NRIP3: variants seen among roughly 807,000 people sequenced by gnomAD.
NRIP3 encodes the protein nuclear receptor-interacting protein 3.
NRIP3 carries 31 observed loss-of-function variants against 29.0 expected under a neutral mutation model. That is an observed-to-expected ratio of 1.07 (90% CI 0.80 to 1.44). The LOEUF (loss-of-function observed/expected upper bound fraction) is 1.44. Ranked by LOEUF, NRIP3 falls within the 40% of genes most tolerant of loss-of-function variation. The pLI, the probability that NRIP3 is intolerant of heterozygous loss-of-function variation, is 0.00. For missense variants in NRIP3, 314 were observed against 297.9 expected (o/e 1.05, Z -0.40); for synonymous variants, 131 against 118.3 (o/e 1.11, Z -0.70).
At position 8,987,645 on chromosome 11, in the gene NRIP3, T is replaced by C; in HGVS notation, c.340-15A>G. 1.9e-6 allele frequency: 3 copies of C among 1,602,164 alleles called. No homozygotes were observed. Among genetic ancestry groups the C allele is most frequent in the Non-Finnish European group, 2.6e-6 (3 of 1,169,350 alleles). On this transcript the variant is annotated splice_polypyrimidine_tract_variant and intron_variant, in intron 2 of 6. Transcript: ENST00000309166. ...TTTCCAGCACACTGTGGGGAGGAAA[T>C]GTACTGTTCAATAAGAGCCAGAGAA...
In NRIP3 at chr11:9,002,519, G is replaced by A. The variant is rs1488955363; in HGVS notation, c.174+1243C>T. 8.0e-5 allele frequency among the ~76,000 whole-genome samples: 4 copies of A among 49,772 alleles called. No individual in the cohort carries two copies. In the East Asian group the frequency reaches 3.3e-3, roughly 41 times the overall value. The allele number at this position is 49,772 out of a possible 152,430, so 32.7% of individuals were successfully genotyped here. A position where few individuals can be genotyped will look rare whatever the true frequency, so the allele number is the denominator to read the frequency against. On this transcript the variant is annotated intron_variant, in intron 1 of 6. Transcript: ENST00000309166. ...TCTGCACAGAAGTAACTAATGGCAG[G>A]GAGGAGAAAAATTTTTGTATATTAT...
intron 6 of NRIP3, 33 bp downstream of exon 6, chr11:8,983,842 A>C: frequency 6.5e-7 from 1 of 1,541,300 alleles, no homozygotes; most frequent in Non-Finnish European, 9.0e-7. Context: ...TGACAAATGG[A>C]TGTGACTTGA....
Position 8,980,803 on chromosome 11 carries a change from G to GAAAT in NRIP3, c.*2738_*2741dup, listed in dbSNP as rs1854403133. The stretch of plus-strand genomic sequence containing the variant: ...CCATTGTATAGACACTTTGAGCTAA[G>GAAAT]AAATAGAAAATTGTACCAGGTAGGG... On this transcript the variant is annotated 3_prime_UTR_variant, in exon 7 of 7. Coordinates refer to ENST00000309166, the MANE Select transcript of NRIP3 (RefSeq NM_020645.3). 1 of 152,174 alleles carries GAAAT rather than the reference G, an allele frequency of 6.6e-6. No homozygotes were observed. The highest frequency in any genetic ancestry group is 1.5e-5 in the Non-Finnish European group (1 of 68,030). The allele number at this position is 152,174 out of a possible 1,614,324, so 9.4% of individuals were successfully genotyped here. A position where few individuals can be genotyped will look rare whatever the true frequency, so the allele number is the denominator to read the frequency against.
intron 1 of NRIP3, among the ~76,000 whole-genome samples, chr11:8,999,490 G>A (rs1252375043): frequency 1.3e-5 from 2 of 152,080 alleles, no homozygotes; most frequent in African/African-American, 4.8e-5. Flanking sequence ...TCACCCCTCT[G>A]CTCAAAATAT....
Position 9,003,916 on chromosome 11 carries a change from A to C in NRIP3, c.20T>G (p.Leu7Arg). The C allele has an allele frequency of 6.6e-7, 1 of 1,515,072 alleles. No individual in the cohort carries two copies. The highest frequency in any genetic ancestry group is 8.8e-7 in the Non-Finnish European group (1 of 1,132,652). 93.9% of individuals were successfully genotyped at this position (1,515,072 alleles called of 1,614,324 possible). A position where few individuals can be genotyped will look rare whatever the true frequency, so the allele number is the denominator to read the frequency against. ...GGTCTCCTTGCGGCCGCCCTCAGTG[A>C]GGAGCCCTGAGTAAAACATCGCTGA... is the stretch of plus-strand genomic sequence containing the variant. MFYSGL[L>R]TEGGRKETDM... is the part of the protein sequence containing the mutation. The change falls in exon 1 of 7, where the codon CTC (leucine) becomes CGC (arginine). Residue 7 changes from leucine to arginine, a missense_variant. By Grantham distance (102) the Leu-to-Arg change is moderately radical. Coordinates refer to ENST00000309166, the MANE Select transcript of NRIP3 (RefSeq NM_020645.3).
chr11:8,995,916 T>C (rs7124403), intron 1 of NRIP3, among the ~76,000 whole-genome samples: 94,773 of 151,982 alleles, frequency 0.62, 30,049 homozygotes, highest in East Asian at 0.77. Flanking sequence ...CCCTTTGCAC[T>C]GGCTGTCCCC....
chr11:9,000,684 C>G (rs1245892286), intron 1 of NRIP3, among the ~76,000 whole-genome samples: 1 of 152,034 alleles, frequency 6.6e-6, no homozygotes, highest in Non-Finnish European at 1.5e-5. Context: ...ATGAGAAAAA[C>G]TTTTATGAAC....
intron 4 of NRIP3, among the ~76,000 whole-genome samples, chr11:8,985,382 G>A (rs2134907974): frequency 6.8e-6 from 1 of 147,796 alleles, no homozygotes; most frequent in East Asian, 2.1e-4. Context: ...TGTTAGCTAG[G>A]ATGGTCTCGA....
chr11:9,003,964 A>G lies in NRIP3; in HGVS notation c.-29T>C, dbSNP rs1305982346. 1.4e-6 allele frequency: 2 copies of G among 1,470,172 alleles called. No homozygotes were observed. Among genetic ancestry groups the G allele is most frequent in the Admixed American group, 2.5e-5 (1 of 40,548 alleles). 91.1% of individuals were successfully genotyped at this position (1,470,172 alleles called of 1,614,324 possible). On this transcript the variant is annotated 5_prime_UTR_variant, in exon 1 of 7. Coordinates refer to ENST00000309166, the MANE Select transcript of NRIP3 (RefSeq NM_020645.3). The stretch of plus-strand genomic sequence containing the variant: ...TGAGGCGCCGGCGGCCCGGTAGCCC[A>G]CAGCCCCCCGGCAGCCTCAGCCTCG...
chr11:8,987,125 C>T (rs895451179), intron 3 of NRIP3, among the ~76,000 whole-genome samples: 2 of 152,198 alleles, frequency 1.3e-5, no homozygotes, highest in Non-Finnish European at 2.9e-5. Context: ...TGGGGACCTG[C>T]AATGCATCCT....
At position 8,982,987 on chromosome 11, in the gene NRIP3, G is replaced by A. The variant is rs1437919773; in HGVS notation, c.*558C>T. On this transcript the variant is annotated 3_prime_UTR_variant, in exon 7 of 7. Transcript: ENST00000309166. ...ATATATGAACTTAGACAATTCACTT[G>A]CCTCTCTGGACCTTTAAATGAAAGA... 4.4e-6 allele frequency: 2 copies of A among 456,620 alleles called. No homozygotes were observed. The highest frequency in any genetic ancestry group is 4.7e-5 in the Admixed American group (2 of 42,566). 28.3% of individuals were successfully genotyped at this position (456,620 alleles called of 1,614,324 possible). A position where few individuals can be genotyped will look rare whatever the true frequency, so the allele number is the denominator to read the frequency against.
At chr11:8,986,734 C>G (rs998551476) in intron 3 of NRIP3, among the ~76,000 whole-genome samples, 2 of 152,118 alleles carry the variant, frequency 1.3e-5, no homozygotes, top group Admixed American at 1.3e-4. Context: ...CACAAAAGCT[C>G]AGGGCTGGGT....
intron 1 of NRIP3, among the ~76,000 whole-genome samples, chr11:8,988,851 T>C (rs1854556247): frequency 6.6e-6 from 1 of 152,178 alleles, no homozygotes; most frequent in Non-Finnish European, 1.5e-5. Flanking sequence ...GAGTCACCCA[T>C]GGGTGGATAG....
At chr11:9,001,796 T>C (rs1192652630) in intron 1 of NRIP3, among the ~76,000 whole-genome samples, 2 of 145,622 alleles carry the variant, frequency 1.4e-5, no homozygotes, top group African/African-American at 2.8e-5. Context: ...CCTTGGTTTC[T>C]GTAACCTGGC....
chr11:9,001,760 G>A (rs1373324338), intron 1 of NRIP3, among the ~76,000 whole-genome samples: 2 of 144,498 alleles, frequency 1.4e-5, no homozygotes, highest in Middle Eastern at 3.2e-3. Context: ...CAGCGCTTGC[G>A]GCTCTCCTAG....
chr11:8,987,443 C>A, intron 3 of NRIP3, 105 bp downstream of exon 3: 1 of 844,988 alleles, frequency 1.2e-6, no homozygotes, highest in Non-Finnish European at 2.0e-6. Context: ...CTGCATACTT[C>A]TCTTTGAGCT....
chr11:8,994,161 G>A (rs1854660367), intron 1 of NRIP3, among the ~76,000 whole-genome samples: 1 of 152,096 alleles, frequency 6.6e-6, no homozygotes, highest in Non-Finnish European at 1.5e-5. Flanking sequence ...ATTCCTTCAT[G>A]GTCACAGATG....
At position 8,987,524 on chromosome 11, in the gene NRIP3, C is replaced by T. The variant is rs775825634; in HGVS notation, c.422+24G>A. On this transcript the variant is annotated intron_variant, in intron 3 of 6. Coordinates refer to ENST00000309166, the MANE Select transcript of NRIP3 (RefSeq NM_020645.3). Reference sequence around the variant, plus strand: ...GAAGAGTACAGTCACATCTAAGTTCCACTCAGCACAAGTGCCTACTTACCC... The same window carrying T: ...GAAGAGTACAGTCACATCTAAGTTCTACTCAGCACAAGTGCCTACTTACCC... 3 of 1,538,184 alleles carry T rather than the reference C, an allele frequency of 2.0e-6. No homozygotes were observed. The Admixed American group carries it at 5.0e-5, about 26-fold the overall frequency.
At chr11:9,000,257 A>C (rs769003579) in intron 1 of NRIP3, among the ~76,000 whole-genome samples, 4 of 152,230 alleles carry the variant, frequency 2.6e-5, no homozygotes, top group Non-Finnish European at 5.9e-5. Context: ...GGATGCAATC[A>C]CGACTCTGCA....
Sources: allele counts gnomAD v4.1 joint callset (sites outside exome capture counted in the v4.1 genomes callset), GRCh38; gene constraint gnomAD v4.1.1; transcripts MANE v1.5; gene names NCBI Gene and HGNC (gene_info 2026-07-23, HGNC 2026-07-21).